Variants in PCDHA7 observed in about 807,000 individuals in gnomAD.
The protein encoded by PCDHA7 is protocadherin alpha 7.
A neutral mutation model predicts 57.2 loss-of-function variants in PCDHA7; 37 were observed. The ratio of observed to expected loss-of-function variants is 0.65; its 90% confidence interval spans 0.50 to 0.85. PCDHA7 has a LOEUF of 0.85. Among genes scored for constraint, PCDHA7 ranks in the 40% least tolerant of loss-of-function variants. The pLI is 0.00. For synonymous variants in PCDHA7, 553 were observed against 558.8 expected (o/e 0.99, Z 0.15); for missense variants, 1,188 against 1,241.8 (o/e 0.96, Z 0.65).
chr5:140,861,928 T>G (rs1225434437), intron 1 of PCDHA7: 1 of 154,028 alleles, frequency 6.5e-6, no homozygotes, highest in Non-Finnish European at 1.4e-5. Flanking sequence ...ATGTAAATGA[T>G]GATGCCCAGT....
Position 141,009,722 on chromosome 5 carries a change from G to T in PCDHA7, c.2599G>T (p.Gly867Cys), listed in dbSNP as rs552954748. 6.8e-6 allele frequency: 11 copies of T among 1,614,022 alleles called. No individual in the cohort carries two copies. The highest frequency in any genetic ancestry group is 9.3e-6 in the Non-Finnish European group (11 of 1,180,046). Residue 867 changes from glycine (G) to cysteine (C), a missense_variant, in exon 4 of 4, where the codon GGT becomes TGT. Gly to Cys is a radical substitution (Grantham distance 159). Transcript: ENST00000525929. ...CGGACCAGGCAACCCCAAACAATCC[G>T]GTCCCGGTGAGTTGCCCGACAAATT... ...KYGPGNPKQS[G>C]PGELPDKFII...
At chr5:140,855,952 A>AT in intron 1 of PCDHA7, 1 of 1,380,786 alleles carries the variant, frequency 7.2e-7, no homozygotes, top group South Asian at 1.4e-5. Flanking sequence ...AGCCATTTCG[A>AT]TAAAAAATAG....
chr5:140,884,295 C>T, intron 1 of PCDHA7: 3 of 1,613,680 alleles, frequency 1.9e-6, no homozygotes, highest in South Asian at 2.2e-5. Context: ...GGCCAAGCGC[C>T]ACAGGCTTCG....
At chr5:140,968,365 T>C (rs1554230638) in intron 1 of PCDHA7, 1 of 1,614,112 alleles carries the variant, frequency 6.2e-7, no homozygotes, top group Non-Finnish European at 8.5e-7. Context: ...GCCTTTATGC[T>C]GTCAACTCCT....
chr5:140,958,454 T>G (rs2095424871), intron 1 of PCDHA7, among the ~76,000 whole-genome samples: 1 of 152,168 alleles, frequency 6.6e-6, no homozygotes, highest in African/African-American at 2.4e-5. Flanking sequence ...CCTTTTATTC[T>G]TCAACTTCTG....
chr5:141,010,105 G>A lies in PCDHA7; in HGVS notation c.*168G>A. 6.2e-7 allele frequency: 1 copy of A among 1,612,150 alleles called. No homozygotes were observed. Among genetic ancestry groups the A allele is most frequent in the African/African-American group, 1.3e-5 (1 of 74,962 alleles). The stretch of plus-strand genomic sequence containing the variant: ...GTCTAGAACGCATTTAACAGGTTTT[G>A]TCGTAAAAGCTTTACTAAGTCTGGT... On this transcript the variant is annotated 3_prime_UTR_variant, in exon 4 of 4. Transcript: ENST00000525929.
intron 1 of PCDHA7, chr5:140,926,929 G>A (rs1554203825): frequency 6.3e-7 from 1 of 1,575,722 alleles, no homozygotes; most frequent in South Asian, 1.2e-5. Flanking sequence ...ATGTTTGTGG[G>A]TTTCCTGCGG....
intron 1 of PCDHA7, among the ~76,000 whole-genome samples, chr5:140,932,460 A>G (rs1275552236): frequency 6.6e-6 from 1 of 151,902 alleles, no homozygotes; most frequent in Non-Finnish European, 1.5e-5. Flanking sequence ...TTGCCAGGGT[A>G]TATAGGAAAT....
intron 1 of PCDHA7, chr5:140,837,311 A>G (rs1328894218): frequency 1.3e-5 from 2 of 152,060 alleles, no homozygotes; most frequent in Non-Finnish European, 2.9e-5. Context: ...TGTATTTGCC[A>G]TGTTCATGAA....
At chr5:140,954,938 GT>G (rs2095112203) in intron 1 of PCDHA7, among the ~76,000 whole-genome samples, 1 of 152,078 alleles carries the variant, frequency 6.6e-6, no homozygotes, top group Admixed American at 6.6e-5. Flanking sequence ...TTAATCTTGA[GT>G]TAATTTTTGT....
intron 1 of PCDHA7, among the ~76,000 whole-genome samples, chr5:140,917,038 C>T (rs1342700377): frequency 6.6e-6 from 1 of 152,168 alleles, no homozygotes; most frequent in African/African-American, 2.4e-5. Context: ...CTGAGTCCAG[C>T]ACAGTGTTGT....
At chr5:140,947,956 A>G (rs1460892977) in intron 1 of PCDHA7, among the ~76,000 whole-genome samples, 2 of 151,570 alleles carry the variant, frequency 1.3e-5, no homozygotes, top group Non-Finnish European at 3.0e-5. Context: ...CATATTTTAC[A>G]ATTAAGTATG....
rs551967990 is a variant in PCDHA7 at position 140,858,294 on chromosome 5, C to G, written c.2355+21556C>G. ...AGCGCGGTGGGGAGCTGGTCTTACTCGCAGCAGAGGCGGCAGAGGGTGTGT... is the reference window on the plus strand; with the variant it reads ...AGCGCGGTGGGGAGCTGGTCTTACTGGCAGCAGAGGCGGCAGAGGGTGTGT... On this transcript the variant is annotated intron_variant, in intron 1 of 3. Transcript: ENST00000525929. 3 of 1,597,466 alleles carry G rather than the reference C, an allele frequency of 1.9e-6. No individual in the cohort carries two copies. The African/African-American group carries it at 4.0e-5, about 21-fold the overall frequency.
At chr5:140,987,275 CTA>C (rs1554249023) in intron 3 of PCDHA7, among the ~76,000 whole-genome samples, 1 of 151,726 alleles carries the variant, frequency 6.6e-6, no homozygotes, top group Non-Finnish European at 1.5e-5. Context: ...ACCCGGCAGT[CTA>C]TGTTTTAACA....
chr5:140,972,505 T>C (rs2096539361), intron 1 of PCDHA7, among the ~76,000 whole-genome samples: 1 of 152,100 alleles, frequency 6.6e-6, no homozygotes, highest in African/African-American at 2.4e-5. Flanking sequence ...GTTGGTAGAT[T>C]TTACCCCCAG....
chr5:140,850,322 C>A (rs2150479524), intron 1 of PCDHA7: 3 of 1,597,382 alleles, frequency 1.9e-6, no homozygotes, highest in African/African-American at 1.3e-5. Context: ...GGCTTTCATA[C>A]GAGCTGCAGC....
At chr5:140,995,371 C>G (rs143381591) in intron 3 of PCDHA7, among the ~76,000 whole-genome samples, 3 of 152,120 alleles carry the variant, frequency 2.0e-5, no homozygotes, top group Admixed American at 1.3e-4. Flanking sequence ...GGATGATTCA[C>G]GTACTGGGCA....
chr5:140,906,665 AC>A (rs558667206), intron 1 of PCDHA7, among the ~76,000 whole-genome samples: 132 of 152,200 alleles, frequency 8.7e-4, no homozygotes, highest in African/African-American at 3.2e-3. Context: ...TGGTGTAGTG[AC>A]CCAAACCTTC....
chr5:140,978,802 T>C, intron 1 of PCDHA7, 147 bp from the exon 2 acceptor site: 1 of 1,483,264 alleles, frequency 6.7e-7, no homozygotes, highest in Non-Finnish European at 9.0e-7. Flanking sequence ...TATGTAGATA[T>C]CATCATAGAG....
Sources: gnomAD v4.1 joint callset for allele counts (sites outside exome capture counted in the v4.1 genomes callset) on GRCh38, gnomAD v4.1.1 for gene constraint, MANE v1.5 for transcripts, NCBI Gene and HGNC (gene_info 2026-07-23, HGNC 2026-07-21) for gene names.